WDFY3: variants seen among roughly 807,000 people sequenced by gnomAD.
WDFY3 encodes the protein WD repeat and FYVE domain-containing protein 3.
A neutral mutation model predicts 409.6 loss-of-function variants in WDFY3; 66 were observed. That is an observed-to-expected ratio of 0.16 (90% CI 0.13 to 0.20). The LOEUF is 0.20. WDFY3 is among the 10% of genes least tolerant of loss of function. WDFY3 has a pLI of 1.00. For synonymous variants in WDFY3, 1,521 were observed against 1,537.1 expected, an observed-to-expected ratio of 0.99 and a Z score of 0.25; for missense variants, 3,031 against 4,298.1, an observed-to-expected ratio of 0.71 and a Z score of 8.24.
intron 32 of WDFY3, among the ~76,000 whole-genome samples, chr4:84,758,887 G>A (rs893212048): frequency 2.0e-5 from 3 of 152,186 alleles, no homozygotes. Flanking sequence ...CCGTGCCTAT[G>A]TCCTGAATGG....
chr4:84,919,234 A>G (rs1050851856), intron 2 of WDFY3, among the ~76,000 whole-genome samples: 5 of 152,164 alleles, frequency 3.3e-5, no homozygotes, highest in Non-Finnish European at 7.4e-5. Context: ...AATTCAAATC[A>G]ACAATAAATA....
chr4:84,727,060 T>A, intron 44 of WDFY3, 149 bp from the exon 45 acceptor site: 1 of 658,926 alleles, frequency 1.5e-6, no homozygotes, highest in South Asian at 2.2e-5. Flanking sequence ...GCTTAAATAA[T>A]CACTAAGCAT....
chr4:84,680,322 C>A (rs1205552301), intron 64 of WDFY3, among the ~76,000 whole-genome samples: 1 of 152,074 alleles, frequency 6.6e-6, no homozygotes, highest in Non-Finnish European at 1.5e-5. Flanking sequence ...ATGGATCTTG[C>A]TCTATCACCC....
At chr4:84,894,174 GA>G (rs1561021812) in intron 3 of WDFY3, among the ~76,000 whole-genome samples, 2 of 152,170 alleles carry the variant, frequency 1.3e-5, no homozygotes, top group Admixed American at 1.3e-4. Flanking sequence ...AATGAAGAGA[GA>G]ATAAGCAAAA....
In WDFY3 at chr4:84,755,426, T is replaced by A. The variant is rs758778106; in HGVS notation, c.5425-26A>T. 4.4e-6 allele frequency: 7 copies of A among 1,579,390 alleles called. No individual in the cohort carries two copies. In the African/African-American group the frequency reaches 8.3e-5, roughly 19 times the overall value. On this transcript the variant is annotated intron_variant, in intron 33 of 67. Coordinates refer to ENST00000295888, the MANE Select transcript of WDFY3 (RefSeq NM_014991.6). ...CTGCAGAGGTGAAAGGGAGCAAATA[T>A]TAGCCACCACTAATTTTTCAGTAGA...
intron 1 of WDFY3, among the ~76,000 whole-genome samples, chr4:84,947,471 C>T (rs967212364): frequency 2.0e-5 from 3 of 148,960 alleles, no homozygotes; most frequent in African/African-American, 7.4e-5. Context: ...AAGATTGTGC[C>T]ACTGCACTCC....
At chr4:84,717,323 TAAAAATC>T (rs1026218727) in intron 48 of WDFY3, among the ~76,000 whole-genome samples, 1 of 152,128 alleles carries the variant, frequency 6.6e-6, no homozygotes, top group Non-Finnish European at 1.5e-5. Flanking sequence ...TAATTTCTTT[TAAAAATC>T]AGAAAAAAAA....
Position 84,683,988 on chromosome 4 carries a change from G to T in WDFY3, c.9681C>A (p.Asp3227Glu). The change falls in exon 63 of 68, where the codon GAC (aspartate) becomes GAA (glutamate). Residue 3227 changes from aspartate to glutamate, a missense_variant. This residue lies in a region of WDFY3 where 378 missense variants were observed against 477.3 expected (regional missense o/e 0.79). Transcript: ENST00000295888. ...GTCCTGTCACTATGACGTTCTGCGT[G>T]TCCCATTCGTTCATCTCCGACATGC... ...CCCMSEMNEW[D>E]TQNVIVTGHS... The T allele has an allele frequency of 6.2e-7, 1 of 1,612,844 alleles. No homozygotes were observed. The highest frequency in any genetic ancestry group is 8.5e-7 in the Non-Finnish European group (1 of 1,178,948).
chr4:84,826,697 G>A, intron 10 of WDFY3, 118 bp downstream of exon 10: 1 of 1,015,172 alleles, frequency 9.9e-7, no homozygotes, highest in Non-Finnish European at 1.3e-6. Flanking sequence ...CAAGCTTTAA[G>A]GGAAACTATA....
At chr4:84,828,831 C>G (rs145273244) in intron 9 of WDFY3, among the ~76,000 whole-genome samples, 173 bp downstream of exon 9, 1 of 152,048 alleles carries the variant, frequency 6.6e-6, no homozygotes, top group Non-Finnish European at 1.5e-5. Context: ...CCCAGGAATA[C>G]GAAGCTACAG....
At chr4:84,761,184 T>C (rs1339096655) in intron 32 of WDFY3, among the ~76,000 whole-genome samples, 1 of 152,282 alleles carries the variant, frequency 6.6e-6, no homozygotes, top group Non-Finnish European at 1.5e-5. Flanking sequence ...TTTGTTATAA[T>C]TTCTGTTCTT....
Position 84,797,941 on chromosome 4 carries a change from C to A in WDFY3, c.2935+55G>T, listed in dbSNP as rs562671241. 2.4e-5 allele frequency: 33 copies of A among 1,400,712 alleles called. 1 individual carries two copies. In the South Asian group the frequency reaches 4.1e-4, roughly 17 times the overall value. 86.8% of individuals were successfully genotyped at this position (1,400,712 alleles called of 1,614,324 possible). On this transcript the variant is annotated intron_variant, in intron 18 of 67. Transcript: ENST00000295888. Reference sequence around the variant, plus strand: ...CAAACTTCTTGAAATAATATTCATCCCCTACATGATTTTCATTCATAAAAT... The same window carrying A: ...CAAACTTCTTGAAATAATATTCATCACCTACATGATTTTCATTCATAAAAT...
At position 84,836,941 on chromosome 4, in the gene WDFY3, T is replaced by C. The variant is rs370111617; in HGVS notation, c.564A>G (p.Lys188=). 2.5e-6 allele frequency: 4 copies of C among 1,579,466 alleles called. No individual in the cohort carries two copies. Among genetic ancestry groups the C allele is most frequent in the Middle Eastern group, 1.7e-4 (1 of 5,964 alleles). Residue 188 remains lysine (K), a synonymous_variant, in exon 7 of 68, where the codon AAA becomes AAG. Coordinates refer to ENST00000295888, the MANE Select transcript of WDFY3 (RefSeq NM_014991.6). ...GCACCTTTCATACCTGTACAAAAAC[T>C]TTCTGGAGTAGTCCTCGACGTTCTG... ...PLAERRGLLQ[K]VFVQILVKLC...
At position 84,670,901 on chromosome 4, in the gene WDFY3, CAG is replaced by C. The variant is rs1438197720; in HGVS notation, c.*1965_*1966del. ...GGGAGAGTGTGGGGGGAGTAAGACA[CAG>C]AAAGGAAAACAGAACACAACTTTTC... On this transcript the variant is annotated 3_prime_UTR_variant, in exon 68 of 68. Coordinates refer to ENST00000295888, the MANE Select transcript of WDFY3 (RefSeq NM_014991.6). The C allele has an allele frequency of 6.6e-6, 1 of 152,364 alleles. No homozygotes were observed. Among genetic ancestry groups the C allele is most frequent in the Non-Finnish European group, 1.5e-5 (1 of 67,992 alleles). The allele number at this position is 152,364 out of a possible 1,614,324, so 9.4% of individuals were successfully genotyped here.
At chr4:84,919,918 G>C (rs1023196103) in intron 2 of WDFY3, among the ~76,000 whole-genome samples, 10 of 152,098 alleles carry the variant, frequency 6.6e-5, no homozygotes, top group Non-Finnish European at 1.3e-4. Context: ...CATCACAAAT[G>C]AACGGCAGAA....
At chr4:84,687,851 G>C (rs1307002869) in intron 62 of WDFY3, 2 of 402,470 alleles carry the variant, frequency 5.0e-6, no homozygotes, top group African/African-American at 4.1e-5. Context: ...CCCCTCCTTA[G>C]GCAACTTGGT....
chr4:84,840,574 T>C (rs1047206282), intron 6 of WDFY3, among the ~76,000 whole-genome samples: 1 of 151,822 alleles, frequency 6.6e-6, no homozygotes, highest in Non-Finnish European at 1.5e-5. Context: ...GCTCTACAAA[T>C]GGTATCATTA....
chr4:84,733,430 A>G lies in WDFY3; in HGVS notation c.7173T>C (p.Tyr2391=). The stretch of plus-strand genomic sequence containing the variant: ...TTTCTGGCACGTAAGGGTAATGGTT[A>G]TAAAACATATCATTTCGCACCATCT... ...RKKMVRNDMF[Y]NHYPYVPETE... The change falls in exon 44 of 68, where the codon TAT becomes TAC. Residue 2391 remains tyrosine, a synonymous_variant. Transcript: ENST00000295888. 2 of 1,614,140 alleles carry G rather than the reference A, an allele frequency of 1.2e-6. No homozygotes were observed. The highest frequency in any genetic ancestry group is 2.2e-5 in the East Asian group (1 of 44,862).
At chr4:84,930,333 A>C (rs1297544655) in intron 2 of WDFY3, among the ~76,000 whole-genome samples, 1 of 152,166 alleles carries the variant, frequency 6.6e-6, no homozygotes, top group Non-Finnish European at 1.5e-5. Flanking sequence ...GTGAGCTGGG[A>C]CCTCTGCAGT....
Sources: gnomAD v4.1 joint callset for allele counts (sites outside exome capture counted in the v4.1 genomes callset) on GRCh38, gnomAD v4.1.1 for gene constraint, gnomAD v4.1.1 regional missense constraint, MANE v1.5 for transcripts, NCBI Gene and HGNC (gene_info 2026-07-23, HGNC 2026-07-21) for gene names.